ZEB2: variants seen among roughly 807,000 people sequenced by gnomAD.
ZEB2 encodes the protein zinc finger E-box binding homeobox 2.
Under a neutral mutation model 99.9 loss-of-function variants are expected in ZEB2, and 6 were observed. The observed-to-expected ratio is 0.06, with a 90% CI of 0.03 to 0.12. The LOEUF (loss-of-function observed/expected upper bound fraction) is 0.12. ZEB2 is among the 10% of genes least tolerant of loss of function. The pLI is 1.00. For synonymous variants in ZEB2, 517 were observed against 542.5 expected, an observed-to-expected ratio of 0.95 and a Z score of 0.65; for missense variants, 969 against 1,502.8, an observed-to-expected ratio of 0.64 and a Z score of 5.87.
At chr2:144,419,435 G>C (rs1011457315) in intron 4 of ZEB2, among the ~76,000 whole-genome samples, 1 of 152,172 alleles carries the variant, frequency 6.6e-6, no homozygotes, top group African/African-American at 2.4e-5. Flanking sequence ...TTTATAACTA[G>C]AGGTACTAGA....
intron 1 of ZEB2, chr2:144,519,671 A>AC (rs1705233876): frequency 3.7e-6 from 1 of 269,496 alleles, no homozygotes; most frequent in East Asian, 9.7e-5. Flanking sequence ...ACCTGAATGA[A>AC]CAGGTACAGG....
intron 2 of ZEB2, among the ~76,000 whole-genome samples, chr2:144,472,786 T>G (rs546584460): frequency 2.5e-4 from 38 of 151,992 alleles, no homozygotes; most frequent in African/African-American, 8.7e-4. Flanking sequence ...GAAGAGTTTC[T>G]GAAGAAGTGT....
intron 2 of ZEB2, among the ~76,000 whole-genome samples, chr2:144,440,702 G>C (rs998957485): frequency 2.0e-5 from 3 of 151,414 alleles, no homozygotes; most frequent in Non-Finnish European, 4.4e-5. Context: ...GGGTGGCTGG[G>C]GGGACCCTTT....
intron 4 of ZEB2, among the ~76,000 whole-genome samples, chr2:144,411,135 C>T (rs1354151179): frequency 7.1e-6 from 1 of 140,130 alleles, no homozygotes; most frequent in Non-Finnish European, 1.5e-5. Flanking sequence ...CACACACACA[C>T]ACACACACAC....
chr2:144,512,852 G>A (rs755123020), intron 2 of ZEB2: 3 of 1,287,232 alleles, frequency 2.3e-6, no homozygotes, highest in Non-Finnish European at 3.0e-6. Flanking sequence ...AAAGGATGGA[G>A]ATGGATATCT....
intron 2 of ZEB2, chr2:144,494,171 A>AAAC (rs1560648794): frequency 2.0e-5 from 3 of 151,988 alleles, no homozygotes; most frequent in Non-Finnish European, 2.9e-5. Context: ...AAAAAAAAAA[A>AAAC]AAAAATAGAT....
At chr2:144,437,861 C>T (rs1346644209) in intron 2 of ZEB2, among the ~76,000 whole-genome samples, 2 of 152,098 alleles carry the variant, frequency 1.3e-5, no homozygotes, top group East Asian at 3.8e-4. Flanking sequence ...TGCCAGAGTA[C>T]GTTGGAATGT....
chr2:144,475,104 C>A (rs1704412652), intron 2 of ZEB2, among the ~76,000 whole-genome samples: 1 of 152,162 alleles, frequency 6.6e-6, no homozygotes, highest in South Asian at 2.1e-4. Context: ...GACATTTCAA[C>A]AAGTATGGGA....
intron 6 of ZEB2, among the ~76,000 whole-genome samples, chr2:144,401,971 T>C (rs1462189710): frequency 6.6e-6 from 1 of 152,202 alleles, no homozygotes; most frequent in Non-Finnish European, 1.5e-5. Context: ...TTTGATTCAT[T>C]ATCAAACGTA....
At chr2:144,483,050 C>T (rs1704536853) in intron 2 of ZEB2, among the ~76,000 whole-genome samples, 1 of 151,482 alleles carries the variant, frequency 6.6e-6, no homozygotes, top group African/African-American at 2.4e-5. Context: ...ATTCATGAGA[C>T]AATTCCCATT....
chr2:144,487,571 C>G (rs1379799668), intron 2 of ZEB2, among the ~76,000 whole-genome samples: 7 of 152,120 alleles, frequency 4.6e-5, no homozygotes, highest in Non-Finnish European at 1.0e-4. Context: ...TAAAAATATT[C>G]AGTTATCTAT....
At chr2:144,411,131 C>CAT (rs1209034669) in intron 4 of ZEB2, among the ~76,000 whole-genome samples, 1 of 129,360 alleles carries the variant, frequency 7.7e-6, no homozygotes, top group East Asian at 2.1e-4. Flanking sequence ...TATACACACA[C>CAT]ACACACACAC....
chr2:144,443,799 G>T (rs1425153976), intron 2 of ZEB2, among the ~76,000 whole-genome samples: 1 of 151,900 alleles, frequency 6.6e-6, no homozygotes, highest in East Asian at 1.9e-4. Flanking sequence ...TAAAAACAAA[G>T]TTATTCAAGG....
chr2:144,423,561 C>T (rs759140858), intron 4 of ZEB2, among the ~76,000 whole-genome samples: 4 of 152,054 alleles, frequency 2.6e-5, no homozygotes, highest in Non-Finnish European at 2.9e-5. Flanking sequence ...CTGACTTGCC[C>T]AAGGGTTACA....
intron 2 of ZEB2, among the ~76,000 whole-genome samples, chr2:144,474,455 C>T (rs1410375416): frequency 6.6e-6 from 1 of 152,148 alleles, no homozygotes; most frequent in Non-Finnish European, 1.5e-5. Context: ...AATCATTTTG[C>T]CTACTGCCTA....
chr2:144,481,125 GGAAA>G (rs538108254), intron 2 of ZEB2, among the ~76,000 whole-genome samples: 2 of 152,154 alleles, frequency 1.3e-5, no homozygotes, highest in Non-Finnish European at 2.9e-5. Flanking sequence ...GAAACGAAGA[GGAAA>G]GAAAGGAAGG....
In ZEB2 at chr2:144,404,148, A is replaced by G; in HGVS notation, c.593-18T>C. 6.2e-6 allele frequency: 10 copies of G among 1,612,076 alleles called. No homozygotes were observed. The highest frequency in any genetic ancestry group is 7.6e-6 in the Non-Finnish European group (9 of 1,179,044). On this transcript the variant is annotated intron_variant, in intron 5 of 9. Transcript: ENST00000627532. ...TGGCAGGTCTGTAGCCGAGAGACAG[A>G]GAGAGAGAGAAGCGGGCCAAAAGGT... is the stretch of plus-strand genomic sequence containing the variant.
Position 144,396,548 on chromosome 2 carries a change from A to G in ZEB2, c.2931T>C (p.Asp977=). ...DGAQDYMSGL[D]DMTDSDSCLS... is the part of the protein sequence containing the mutation. Reference sequence around the variant, plus strand: ...GACAGGAGTCGGAGTCTGTCATATCATCTAGGCCTGACATGTAGTCTTGTG... The same window carrying G: ...GACAGGAGTCGGAGTCTGTCATATCGTCTAGGCCTGACATGTAGTCTTGTG... The change falls in exon 9 of 10, where the codon GAT becomes GAC. Residue 977 remains aspartate, a synonymous_variant. Transcript: ENST00000627532. The G allele has an allele frequency of 2.5e-6, 4 of 1,614,046 alleles. No individual in the cohort carries two copies. Among genetic ancestry groups the G allele is most frequent in the African/African-American group, 1.3e-5 (1 of 75,040 alleles).
chr2:144,445,519 G>A (rs1703971770), intron 2 of ZEB2, among the ~76,000 whole-genome samples: 1 of 151,934 alleles, frequency 6.6e-6, no homozygotes, highest in Non-Finnish European at 1.5e-5. Flanking sequence ...GCTTAGTTAA[G>A]CTGATTACAG....
Sources: allele counts gnomAD v4.1 joint callset (sites outside exome capture counted in the v4.1 genomes callset), GRCh38; gene constraint gnomAD v4.1.1; transcripts MANE v1.5; gene names NCBI Gene and HGNC (gene_info 2026-07-23, HGNC 2026-07-21).